The following GRIN2A variants were observed in gnomAD, a reference collection of about 807,000 sequenced individuals.
GRIN2A encodes the protein glutamate receptor ionotropic, NMDA 2A.
Under a neutral mutation model 113.4 loss-of-function variants are expected in GRIN2A, and 22 were observed. The ratio of observed to expected loss-of-function variants is 0.19; its 90% CI spans 0.14 to 0.28. GRIN2A has a LOEUF of 0.28. Ranked by LOEUF, GRIN2A falls within the 10% of genes least tolerant of loss-of-function variation. GRIN2A has a pLI of 1.00. For missense variants in GRIN2A, 1,502 were observed against 1,887.0 expected, an observed-to-expected ratio of 0.80 and a Z score of 3.78; for synonymous variants, 827 against 738.4, an observed-to-expected ratio of 1.12 and a Z score of -1.94.
chr16:9,939,447 C>T (rs1029942389), intron 2 of GRIN2A, among the ~76,000 whole-genome samples: 1 of 152,276 alleles, frequency 6.6e-6, no homozygotes, highest in South Asian at 2.1e-4. Flanking sequence ...TGCTCTCACC[C>T]TAGAAAGTGG....
chr16:10,100,763 T>A (rs1313888311), intron 2 of GRIN2A, among the ~76,000 whole-genome samples: 1 of 152,212 alleles, frequency 6.6e-6, no homozygotes, highest in African/African-American at 2.4e-5. Context: ...CCAGGATGAT[T>A]AGCGCCCAGA....
intron 3 of GRIN2A, among the ~76,000 whole-genome samples, chr16:9,920,693 C>T (rs531689820): frequency 1.3e-4 from 19 of 151,904 alleles, no homozygotes; most frequent in African/African-American, 2.4e-4. Flanking sequence ...AGCCTCCTGC[C>T]GTAGCTGGGA....
chr16:9,853,311 C>A (rs1347642321), intron 4 of GRIN2A, among the ~76,000 whole-genome samples: 1 of 152,096 alleles, frequency 6.6e-6, no homozygotes, highest in African/African-American at 2.4e-5. Context: ...AATCCTAACC[C>A]CTAATGTGGT....
At chr16:9,878,625 C>A (rs569782060) in intron 4 of GRIN2A, among the ~76,000 whole-genome samples, 1 of 152,304 alleles carries the variant, frequency 6.6e-6, no homozygotes, top group African/African-American at 2.4e-5. Flanking sequence ...TCACCATCAT[C>A]ATCAATCATC....
chr16:9,877,050 G>C (rs886255221), intron 4 of GRIN2A, among the ~76,000 whole-genome samples: 13 of 152,050 alleles, frequency 8.5e-5, no homozygotes, highest in Admixed American at 8.5e-4. Context: ...TTCATCCTAG[G>C]AACTGTGCAA....
intron 4 of GRIN2A, among the ~76,000 whole-genome samples, chr16:9,883,887 G>C (rs1015732340): frequency 6.6e-6 from 1 of 152,174 alleles, no homozygotes; most frequent in African/African-American, 2.4e-5. Flanking sequence ...ATTTCCTTCA[G>C]GAAGACACAA....
At chr16:10,090,184 G>C (rs2048160461) in intron 2 of GRIN2A, among the ~76,000 whole-genome samples, 1 of 151,902 alleles carries the variant, frequency 6.6e-6, no homozygotes. Flanking sequence ...AACCCTGTCA[G>C]ACCCAAGAGG....
intron 11 of GRIN2A, among the ~76,000 whole-genome samples, chr16:9,778,063 C>CA (rs1400776773): frequency 1.3e-5 from 2 of 152,122 alleles, no homozygotes; most frequent in African/African-American, 2.4e-5. Context: ...GAAACTGTCT[C>CA]AAAAACAACA....
intron 11 of GRIN2A, among the ~76,000 whole-genome samples, chr16:9,788,235 C>G (rs1902355971): frequency 6.6e-6 from 1 of 151,960 alleles, no homozygotes; most frequent in South Asian, 2.1e-4. Flanking sequence ...TTTCTCTTCT[C>G]TCTCCTTACT....
intron 2 of GRIN2A, among the ~76,000 whole-genome samples, chr16:9,951,827 T>C (rs1371476023): frequency 6.6e-6 from 1 of 152,150 alleles, no homozygotes; most frequent in East Asian, 1.9e-4. Flanking sequence ...CTGGCTCCCA[T>C]CACACTCAGA....
At chr16:9,801,440 C>T (rs1475727226) in intron 10 of GRIN2A, among the ~76,000 whole-genome samples, 1 of 152,208 alleles carries the variant, frequency 6.6e-6, no homozygotes, top group Non-Finnish European at 1.5e-5. Context: ...TTCTCCTATC[C>T]TGCTAAGCCA....
At chr16:10,112,034 G>T in intron 2 of GRIN2A, 1 of 633,692 alleles carries the variant, frequency 1.6e-6, no homozygotes, top group South Asian at 1.7e-5. Flanking sequence ...ATGAGCTAGT[G>T]GCCATCGTCT....
At position 9,796,588 on chromosome 16, in the gene GRIN2A, G is replaced by A. The variant is rs565396937; in HGVS notation, c.2356+1689C>T. Among the ~76,000 whole-genome samples the A allele has an allele frequency of 6.6e-5, 10 of 152,362 alleles. No individual in the cohort carries two copies. In the South Asian group the frequency reaches 2.1e-3, roughly 32 times the overall value. ...TAGCAGACGTGAACGTGACCAAGCA[G>A]TGGCTTGAAATGTGCATGTGCAGCT... On this transcript the variant is annotated intron_variant, in intron 11 of 12. Transcript: ENST00000330684.
At chr16:9,965,254 C>G (rs565788721) in intron 2 of GRIN2A, among the ~76,000 whole-genome samples, 14 of 152,338 alleles carry the variant, frequency 9.2e-5, no homozygotes, top group African/African-American at 3.4e-4. Flanking sequence ...GATTCCTCTC[C>G]TAACCCTCTG....
intron 11 of GRIN2A, among the ~76,000 whole-genome samples, chr16:9,792,360 C>A (rs956322724): frequency 3.9e-5 from 6 of 152,074 alleles, no homozygotes; most frequent in African/African-American, 1.4e-4. Context: ...GTAGGTGGGC[C>A]TACAAGCATG....
chr16:9,798,820 A>C (rs1020216423), intron 10 of GRIN2A, among the ~76,000 whole-genome samples: 1 of 152,226 alleles, frequency 6.6e-6, no homozygotes, highest in African/African-American at 2.4e-5. Context: ...TAAACCACTA[A>C]GGGGCAGAAG....
intron 12 of GRIN2A, among the ~76,000 whole-genome samples, chr16:9,766,533 T>G (rs911464730): frequency 6.6e-6 from 1 of 152,164 alleles, no homozygotes; most frequent in Non-Finnish European, 1.5e-5. Context: ...CTTTCCTGCA[T>G]TCCTGCAAAC....
intron 2 of GRIN2A, among the ~76,000 whole-genome samples, chr16:9,971,159 T>C (rs1003089619): frequency 6.6e-6 from 1 of 152,216 alleles, no homozygotes; most frequent in Admixed American, 6.5e-5. Flanking sequence ...TTCTTCCCAT[T>C]GACAGGTGGA....
intron 2 of GRIN2A, among the ~76,000 whole-genome samples, chr16:10,128,638 C>G (rs1363713532): frequency 2.0e-5 from 3 of 152,204 alleles, no homozygotes; most frequent in Non-Finnish European, 4.4e-5. Flanking sequence ...GCTGCTCCCC[C>G]TCTCTCCAAC....
Sources: allele counts gnomAD v4.1 joint callset (sites outside exome capture counted in the v4.1 genomes callset), GRCh38; gene constraint gnomAD v4.1.1; transcripts MANE v1.5; gene names NCBI Gene and HGNC (gene_info 2026-07-23, HGNC 2026-07-21).